The following MALRD1 variants were observed in gnomAD, a reference collection of about 807,000 sequenced individuals.
MALRD1 encodes MAM and LDL receptor class A domain containing 1.
In MALRD1, 247 loss-of-function variants were observed where a neutral mutation model predicts 242.1. That is an observed-to-expected ratio of 1.02 (90% CI 0.92 to 1.13). MALRD1 has a LOEUF of 1.13. Ranked by LOEUF, MALRD1 falls within the 50% of genes most tolerant of loss-of-function variation. The probability of loss-of-function intolerance (pLI) is 0.00; values close to 1 mark genes in which losing one functional copy is unlikely to be tolerated. For missense variants in MALRD1, 2,989 were observed against 2,533.1 expected (o/e 1.18, Z -3.86); for synonymous variants, 995 against 866.6 (o/e 1.15, Z -2.60).
intron 14 of MALRD1, among the ~76,000 whole-genome samples, chr10:19,180,468 G>A (rs937291375): frequency 6.6e-6 from 1 of 152,154 alleles, no homozygotes; most frequent in African/African-American, 2.4e-5. Context: ...ACACAGTAGG[G>A]AAAAAATAGT....
At chr10:19,390,563 C>G (rs138999290) in intron 28 of MALRD1, among the ~76,000 whole-genome samples, 2 of 151,970 alleles carry the variant, frequency 1.3e-5, no homozygotes, top group East Asian at 3.9e-4. Flanking sequence ...AAACAGTAGC[C>G]GAAAGGAGAT....
intron 26 of MALRD1, among the ~76,000 whole-genome samples, chr10:19,384,257 T>TA (rs1845960750): frequency 1.4e-5 from 2 of 140,612 alleles, no homozygotes; most frequent in South Asian, 4.2e-4. Flanking sequence ...ATATATATGT[T>TA]AAAAAACATA....
In MALRD1 at chr10:19,330,157, AT is replaced by A. The variant is rs917477102; in HGVS notation, c.3688-1204del. ...CAAGCTCTTCATCTATCTTACTAATATTTTTTTTCTTTCCAAGCTCACCTAC... is the reference window on the plus strand; with the variant it reads ...CAAGCTCTTCATCTATCTTACTAATATTTTTTTCTTTCCAAGCTCACCTAC... On this transcript the variant is annotated intron_variant, in intron 23 of 39. Coordinates refer to ENST00000454679, the MANE Select transcript of MALRD1 (RefSeq NM_001142308.3). Among the ~76,000 whole-genome samples the A allele has an allele frequency of 2.7e-4, 41 of 151,654 alleles. 1 individual carries two copies. The highest frequency in any genetic ancestry group is 2.4e-3 in the Admixed American group (37 of 15,198).
intron 18 of MALRD1, among the ~76,000 whole-genome samples, chr10:19,218,872 T>C (rs1470137476): frequency 6.6e-6 from 1 of 152,110 alleles, no homozygotes; most frequent in East Asian, 1.9e-4. Context: ...TCATATTATC[T>C]TAATTATTTT....
Position 19,615,516 on chromosome 10 carries a change from C to CAAAAAAAAAAAAAAAA in MALRD1, c.6071-337_6071-322dup, listed in dbSNP as rs530920512. 3.8e-3 allele frequency among the ~76,000 whole-genome samples: 140 copies of CAAAAAAAAAAAAAAAA among 37,104 alleles called. 8 individuals are homozygous for CAAAAAAAAAAAAAAAA. The highest frequency in any genetic ancestry group is 9.8e-3 in the East Asian group (10 of 1,022). 24.3% of individuals were successfully genotyped at this position (37,104 alleles called of 152,430 possible). A position where few individuals can be genotyped will look rare whatever the true frequency, so the allele number is the denominator to read the frequency against. The stretch of plus-strand genomic sequence containing the variant: ...TGAATGACAGAGCAAGACCCTGCCT[C>CAAAAAAAAAAAAAAAA]AAAAAAAAAAAAAAAAAAAGAGGAA... On this transcript the variant is annotated intron_variant, in intron 35 of 39. Transcript: ENST00000454679.
Position 19,232,599 on chromosome 10 carries a change from A to T in MALRD1, c.2991+22919A>T, listed in dbSNP as rs190707590. Among the ~76,000 whole-genome samples, 70 of 152,316 alleles carry T rather than the reference A, an allele frequency of 4.6e-4. 1 individual carries two copies. The South Asian group carries it at 0.011, about 25-fold the overall frequency. ...TTGTGCAGGGTGAAGTGAGATTGTT[A>T]TCTAGGAAATAGCTGAAATGTCTTG... On this transcript the variant is annotated intron_variant, in intron 18 of 39. Transcript: ENST00000454679.
chr10:19,620,963 A>G (rs928944992), intron 36 of MALRD1, among the ~76,000 whole-genome samples: 2 of 151,466 alleles, frequency 1.3e-5, no homozygotes, highest in Non-Finnish European at 2.9e-5. Flanking sequence ...CTAAAAAGAA[A>G]TTTCTCTCCA....
chr10:19,065,287 CAAAAAAAAA>C (rs1197670439), intron 1 of MALRD1, among the ~76,000 whole-genome samples: 1 of 50,632 alleles, frequency 2.0e-5, no homozygotes, highest in Non-Finnish European at 3.3e-5. Flanking sequence ...AACGCTGTCT[CAAAAAAAAA>C]AAAAAAAAAA....
intron 9 of MALRD1, among the ~76,000 whole-genome samples, chr10:19,135,856 C>T (rs1454878737): frequency 6.6e-6 from 1 of 152,300 alleles, no homozygotes; most frequent in East Asian, 1.9e-4. Context: ...AATGCTAATA[C>T]TTTGACATTA....
At chr10:19,647,080 GAGCCCT>G (rs1840693215) in intron 36 of MALRD1, among the ~76,000 whole-genome samples, 1 of 152,170 alleles carries the variant, frequency 6.6e-6, no homozygotes, top group Non-Finnish European at 1.5e-5. Flanking sequence ...TTCAACAACA[GAGCCCT>G]AGCATCAGGA....
chr10:19,271,514 C>T (rs1840240923), intron 19 of MALRD1, among the ~76,000 whole-genome samples: 1 of 152,164 alleles, frequency 6.6e-6, no homozygotes, highest in Admixed American at 6.5e-5. Context: ...CCTGTAATCC[C>T]AGCACTTTGG....
intron 33 of MALRD1, among the ~76,000 whole-genome samples, chr10:19,591,188 A>G (rs1837761391): frequency 2.0e-5 from 3 of 152,240 alleles, no homozygotes. Flanking sequence ...TCTTTCACTT[A>G]GTAACCTACA....
intron 21 of MALRD1, among the ~76,000 whole-genome samples, chr10:19,292,277 T>C (rs1841475969): frequency 6.6e-6 from 1 of 152,112 alleles, no homozygotes; most frequent in Non-Finnish European, 1.5e-5. Context: ...CTCTTCTCGG[T>C]CTAATCAAAA....
intron 29 of MALRD1, among the ~76,000 whole-genome samples, chr10:19,458,980 C>T (rs1835803655): frequency 6.6e-6 from 1 of 152,026 alleles, no homozygotes; most frequent in African/African-American, 2.4e-5. Context: ...CCCATCCTAA[C>T]ACACAGTGCA....
chr10:19,179,966 A>C (rs1835431444), intron 14 of MALRD1, among the ~76,000 whole-genome samples: 2 of 152,178 alleles, frequency 1.3e-5, no homozygotes, highest in African/African-American at 4.8e-5. Flanking sequence ...AGCATCCCTG[A>C]AAAAGTAATA....
In MALRD1 at chr10:19,204,161, T is replaced by C. The variant is rs926417855; in HGVS notation, c.2105-147T>C. On this transcript the variant is annotated intron_variant, in intron 15 of 39. Transcript: ENST00000454679. ...GTGGTTCAATATTTATCAGAACAAATTTGACTAAGAGTCACTGATTGATTA... is the reference window on the plus strand; with the variant it reads ...GTGGTTCAATATTTATCAGAACAAACTTGACTAAGAGTCACTGATTGATTA... The C allele has an allele frequency of 8.0e-5, 54 of 671,222 alleles. No homozygotes were observed. The Admixed American group carries it at 1.5e-3, about 18-fold the overall frequency. 41.6% of individuals were successfully genotyped at this position (671,222 alleles called of 1,614,324 possible).
chr10:19,288,380 G>A (rs1472981173), intron 21 of MALRD1, among the ~76,000 whole-genome samples: 2 of 151,816 alleles, frequency 1.3e-5, no homozygotes, highest in Non-Finnish European at 2.9e-5. Flanking sequence ...TTATTAAATA[G>A]GTCCTATTCA....
chr10:19,064,748 C>T (rs1308911535), intron 1 of MALRD1, among the ~76,000 whole-genome samples: 2 of 129,112 alleles, frequency 1.5e-5, no homozygotes, highest in South Asian at 2.4e-4. Context: ...TCAGCCTGGG[C>T]GACAGAAAGA....
At chr10:19,609,531 T>TA (rs1269856735) in intron 35 of MALRD1, among the ~76,000 whole-genome samples, 1 of 152,026 alleles carries the variant, frequency 6.6e-6, no homozygotes, top group Non-Finnish European at 1.5e-5. Flanking sequence ...ACCCAATCCT[T>TA]ACAGCATCCA....
Sources: gnomAD v4.1 joint callset for allele counts (sites outside exome capture counted in the v4.1 genomes callset) on GRCh38, gnomAD v4.1.1 for gene constraint, MANE v1.5 for transcripts, NCBI Gene and HGNC (gene_info 2026-07-23, HGNC 2026-07-21) for gene names.